The following CTNND2 variants were observed in gnomAD, a reference collection of about 807,000 sequenced individuals.
CTNND2 encodes catenin delta 2, also known as catenin delta-2.
A neutral mutation model predicts 144.4 loss-of-function variants in CTNND2; 22 were observed. The ratio of observed to expected loss-of-function variants is 0.15; its 90% confidence interval spans 0.11 to 0.22. CTNND2 has a LOEUF of 0.22. CTNND2 is among the 10% of genes least tolerant of loss of function. The pLI is 1.00. For synonymous variants in CTNND2, 751 were observed against 695.6 expected (o/e 1.08, Z -1.25); for missense variants, 1,353 against 1,618.8 (o/e 0.84, Z 2.82).
intron 10 of CTNND2, among the ~76,000 whole-genome samples, chr5:11,230,577 C>A (rs1203126381): frequency 6.6e-6 from 1 of 152,152 alleles, no homozygotes; most frequent in Non-Finnish European, 1.5e-5. Flanking sequence ...ATGCCTGCGC[C>A]CTTTAAAGTG....
chr5:11,274,263 T>C (rs1256523440), intron 9 of CTNND2, among the ~76,000 whole-genome samples: 2 of 152,238 alleles, frequency 1.3e-5, no homozygotes, highest in Non-Finnish European at 2.9e-5. Context: ...CATGTGTTCA[T>C]CAAAGCCTCA....
At chr5:11,751,015 C>T (rs139842190) in intron 1 of CTNND2, among the ~76,000 whole-genome samples, 269 of 151,718 alleles carry the variant, frequency 1.8e-3, no homozygotes, top group African/African-American at 6.3e-3. Flanking sequence ...CTCACCTGTC[C>T]GGGGTAAAAT....
At chr5:11,248,322 A>T (rs1302919523) in intron 9 of CTNND2, among the ~76,000 whole-genome samples, 1 of 151,418 alleles carries the variant, frequency 6.6e-6, no homozygotes, top group African/African-American at 2.4e-5. Flanking sequence ...TCACCCTCAA[A>T]ATGTTTTATT....
rs147358534 is a variant in CTNND2 at position 11,807,890 on chromosome 5, G to A, written c.38-75618C>T. Among the ~76,000 whole-genome samples, 19 of 152,206 alleles carry A rather than the reference G, an allele frequency of 1.2e-4. No homozygotes were observed. The East Asian group carries it at 3.7e-3, about 29-fold the overall frequency. Reference sequence around the variant, plus strand: ...ATTAACTTATATTATTAATGATTGTGTTTGAGTAGGTTATGTACTGTTCAT... The same window carrying A: ...ATTAACTTATATTATTAATGATTGTATTTGAGTAGGTTATGTACTGTTCAT... On this transcript the variant is annotated intron_variant, in intron 1 of 21. Coordinates refer to ENST00000304623, the MANE Select transcript of CTNND2 (RefSeq NM_001332.4).
intron 2 of CTNND2, among the ~76,000 whole-genome samples, chr5:11,715,902 T>C (rs781022405): frequency 2.4e-4 from 37 of 152,032 alleles, no homozygotes; most frequent in Non-Finnish European, 4.9e-4. Flanking sequence ...ATCCAAAGAG[T>C]TGAACAATCA....
chr5:11,733,648 A>G (rs778794504), intron 1 of CTNND2, among the ~76,000 whole-genome samples: 2 of 152,212 alleles, frequency 1.3e-5, no homozygotes, highest in African/African-American at 2.4e-5. Context: ...AATACAGTCA[A>G]TAACTAATCT....
chr5:11,406,627 G>A (rs10058518), intron 5 of CTNND2, among the ~76,000 whole-genome samples: 28,687 of 151,752 alleles, frequency 0.19, 5,586 homozygotes, highest in African/African-American at 0.5. Flanking sequence ...TCTCTCAAAC[G>A]TCTCTTGTAA....
At chr5:11,238,324 T>C (rs1213838762) in intron 9 of CTNND2, among the ~76,000 whole-genome samples, 3 of 151,898 alleles carry the variant, frequency 2.0e-5, no homozygotes, top group Non-Finnish European at 4.4e-5. Context: ...GGAAGAGAAA[T>C]GAGTCAGTTC....
At chr5:11,076,085 T>C (rs1040204692) in intron 16 of CTNND2, among the ~76,000 whole-genome samples, 2 of 152,248 alleles carry the variant, frequency 1.3e-5, no homozygotes, top group African/African-American at 4.8e-5. Flanking sequence ...TGCTTGCTTA[T>C]TATTTCATTT....
At chr5:11,001,094 T>C (rs1313008100) in intron 18 of CTNND2, among the ~76,000 whole-genome samples, 2 of 152,182 alleles carry the variant, frequency 1.3e-5, no homozygotes, top group Non-Finnish European at 2.9e-5. Flanking sequence ...CCACACACAC[T>C]GAGCCCCAAT....
At chr5:11,258,393 C>T (rs1744501291) in intron 9 of CTNND2, among the ~76,000 whole-genome samples, 1 of 152,204 alleles carries the variant, frequency 6.6e-6, no homozygotes, top group African/African-American at 2.4e-5. Flanking sequence ...TTAAAACACT[C>T]ACTCATCAAC....
intron 2 of CTNND2, among the ~76,000 whole-genome samples, chr5:11,572,744 T>C (rs566289153): frequency 1.2e-3 from 181 of 152,250 alleles, no homozygotes; most frequent in Non-Finnish European, 2.3e-3. Context: ...GCCCATCCTG[T>C]CTATAGATGA....
intron 9 of CTNND2, among the ~76,000 whole-genome samples, chr5:11,272,824 T>C (rs961664966): frequency 5.3e-5 from 8 of 152,320 alleles, no homozygotes; most frequent in African/African-American, 1.9e-4. Context: ...TAGAATTTTA[T>C]CCACGAGTAT....
intron 10 of CTNND2, among the ~76,000 whole-genome samples, chr5:11,210,639 G>C (rs1030542746): frequency 6.6e-6 from 1 of 152,130 alleles, no homozygotes; most frequent in Non-Finnish European, 1.5e-5. Flanking sequence ...ACATCTCAAA[G>C]AGAATTTTGG....
chr5:11,065,972 T>C lies in CTNND2; in HGVS notation c.2788+16724A>G, dbSNP rs550340638. Among the ~76,000 whole-genome samples, 11 of 152,266 alleles carry C rather than the reference T, an allele frequency of 7.2e-5. No homozygotes were observed. The South Asian group carries it at 2.3e-3, about 32-fold the overall frequency. ...CTTTAAAGGTCTGAATAGGAAACAT[T>C]TGTCATCTATTGTCTCTAAGGGCAG... On this transcript the variant is annotated intron_variant, in intron 16 of 21. Transcript: ENST00000304623.
chr5:11,777,567 C>T (rs978218852), intron 1 of CTNND2, among the ~76,000 whole-genome samples: 2 of 152,076 alleles, frequency 1.3e-5, no homozygotes, highest in African/African-American at 4.8e-5. Flanking sequence ...AGAAAAGCAC[C>T]ACTCCTGAAT....
chr5:11,524,239 C>T (rs1197309162), intron 3 of CTNND2, among the ~76,000 whole-genome samples: 1 of 152,286 alleles, frequency 6.6e-6, no homozygotes, highest in Admixed American at 6.5e-5. Flanking sequence ...TGCAGACACT[C>T]AAGACAGCGT....
chr5:11,880,114 T>G (rs975112152), intron 1 of CTNND2, among the ~76,000 whole-genome samples: 1 of 152,184 alleles, frequency 6.6e-6, no homozygotes. Context: ...GAATTATTTG[T>G]TAAAGCAACC....
chr5:11,694,718 G>C (rs1417929706), intron 2 of CTNND2, among the ~76,000 whole-genome samples: 1 of 152,106 alleles, frequency 6.6e-6, no homozygotes, highest in Non-Finnish European at 1.5e-5. Context: ...GGAATCCATG[G>C]TACTCATGTA....
Sources: gnomAD v4.1 joint callset for allele counts (sites outside exome capture counted in the v4.1 genomes callset) on GRCh38, gnomAD v4.1.1 for gene constraint, MANE v1.5 for transcripts, NCBI Gene and HGNC (gene_info 2026-07-23, HGNC 2026-07-21) for gene names.